SYN3: variants seen among roughly 807,000 people sequenced by gnomAD.
The protein encoded by SYN3 is synapsin-3.
A neutral mutation model predicts 65.8 loss-of-function variants in SYN3; 35 were observed. That is an observed-to-expected ratio of 0.53 (90% CI 0.41 to 0.70). SYN3 has a LOEUF of 0.70. Ranked by LOEUF, SYN3 falls within the 30% of genes least tolerant of loss-of-function variation. SYN3 has a pLI of 0.00. For synonymous variants in SYN3, 270 were observed against 292.9 expected, an observed-to-expected ratio of 0.92 and a Z score of 0.80; for missense variants, 680 against 749.0, an observed-to-expected ratio of 0.91 and a Z score of 1.08.
chr22:32,645,387 G>T (rs559058122), intron 6 of SYN3, among the ~76,000 whole-genome samples: 8 of 151,774 alleles, frequency 5.3e-5, no homozygotes, highest in Admixed American at 5.2e-4. Context: ...GGAGGCAGAG[G>T]TGGCGGTGAG....
intron 6 of SYN3, among the ~76,000 whole-genome samples, chr22:32,700,136 CT>C (rs1351261871): frequency 6.6e-6 from 1 of 152,168 alleles, no homozygotes; most frequent in Non-Finnish European, 1.5e-5. Context: ...GATGCTTCCT[CT>C]TTTTAAAATA....
At chr22:32,921,883 C>T (rs577218081) in intron 4 of SYN3, among the ~76,000 whole-genome samples, 2 of 152,246 alleles carry the variant, frequency 1.3e-5, no homozygotes, top group East Asian at 3.9e-4. Flanking sequence ...CACGGTCACA[C>T]AGCTGCTGTC....
chr22:32,538,095 A>G lies in SYN3; in HGVS notation c.933T>C (p.Ser311=), dbSNP rs1751583919. ...NYKAYMRTSI[S]GNWKANTGSA... is the part of the protein sequence containing the mutation. ...AGCCTGTGTTGGCCTTCCAGTTCCC[A>G]GAGATGGAGGTTCTCCTGTACCAGA... The change falls in exon 9 of 14, where the codon TCT becomes TCC. Residue 311 remains serine (S), a synonymous_variant. Transcript: ENST00000358763. 1 of 1,613,978 alleles carries G rather than the reference A, an allele frequency of 6.2e-7. No homozygotes were observed. Among genetic ancestry groups the G allele is most frequent in the African/African-American group, 1.3e-5 (1 of 74,894 alleles).
intron 6 of SYN3, among the ~76,000 whole-genome samples, chr22:32,709,289 C>A (rs988662518): frequency 2.0e-5 from 3 of 152,190 alleles, no homozygotes; most frequent in Admixed American, 2.0e-4. Flanking sequence ...ACAACTTGAA[C>A]GGCATCAAAC....
At chr22:32,561,472 C>T (rs923005420) in intron 7 of SYN3, among the ~76,000 whole-genome samples, 4 of 152,164 alleles carry the variant, frequency 2.6e-5, no homozygotes, top group Admixed American at 1.3e-4. Context: ...AGGCTCTAGT[C>T]TCCAGAATTT....
chr22:32,748,347 A>G (rs891133351), intron 6 of SYN3, among the ~76,000 whole-genome samples: 1 of 152,180 alleles, frequency 6.6e-6, no homozygotes, highest in African/African-American at 2.4e-5. Context: ...TGCCAGCTGT[A>G]AGTTGTATAA....
At chr22:32,822,795 G>T (rs1376894409) in intron 6 of SYN3, among the ~76,000 whole-genome samples, 3 of 152,134 alleles carry the variant, frequency 2.0e-5, no homozygotes, top group African/African-American at 7.2e-5. Context: ...TAATATAATG[G>T]ATGGTCCAAA....
intron 7 of SYN3, among the ~76,000 whole-genome samples, chr22:32,545,043 A>G (rs1293770693): frequency 6.6e-6 from 1 of 152,184 alleles, no homozygotes; most frequent in Non-Finnish European, 1.5e-5. Flanking sequence ...GGCCAACAAG[A>G]TGTGAGCGGA....
intron 7 of SYN3, among the ~76,000 whole-genome samples, chr22:32,554,130 C>G (rs2058456740): frequency 6.6e-6 from 1 of 152,178 alleles, no homozygotes; most frequent in African/African-American, 2.4e-5. Context: ...ATGTGTGCAG[C>G]CCAGGTTGGA....
At chr22:32,879,440 T>C (rs2049067756) in intron 4 of SYN3, among the ~76,000 whole-genome samples, 2 of 152,208 alleles carry the variant, frequency 1.3e-5, no homozygotes, top group Non-Finnish European at 1.5e-5. Context: ...GACCAAGGCA[T>C]CAGCTGATGT....
At chr22:32,976,995 G>A (rs772359895) in intron 3 of SYN3, among the ~76,000 whole-genome samples, 5 of 64,722 alleles carry the variant, frequency 7.7e-5, no homozygotes, top group African/African-American at 8.5e-5. Context: ...TGAGATTCCT[G>A]GGGGGGGGGT....
Position 33,006,760 on chromosome 22 carries a change from T to C in SYN3, c.-98A>G. The stretch of plus-strand genomic sequence containing the variant: ...CCAGGTACAGGGAGTGGTAGGACTT[T>C]AGCCAGAAGAGCCAGGGGGATTTTG... On this transcript the variant is annotated 5_prime_UTR_variant, in exon 2 of 14. Coordinates refer to ENST00000358763, the MANE Select transcript of SYN3 (RefSeq NM_003490.4). 1.6e-6 allele frequency: 2 copies of C among 1,280,916 alleles called. No individual in the cohort carries two copies. The highest frequency in any genetic ancestry group is 2.1e-6 in the Non-Finnish European group (2 of 931,050). The allele number at this position is 1,280,916 out of a possible 1,614,324, so 79.3% of individuals were successfully genotyped here.
intron 6 of SYN3, among the ~76,000 whole-genome samples, chr22:32,689,447 T>C (rs1832086716): frequency 6.6e-6 from 1 of 152,172 alleles, no homozygotes; most frequent in Non-Finnish European, 1.5e-5. Context: ...AGGAAGCCAT[T>C]TATTCTGCCC....
At chr22:32,528,035 G>T in intron 11 of SYN3, 30 bp from the exon 12 acceptor site, 8 of 1,495,452 alleles carry the variant, frequency 5.3e-6, no homozygotes, top group South Asian at 1.3e-5. Flanking sequence ...AAGCCTGTTG[G>T]TATCACCACA....
At chr22:32,677,802 GA>G (rs1311752478) in intron 6 of SYN3, among the ~76,000 whole-genome samples, 23 of 146,188 alleles carry the variant, frequency 1.6e-4, no homozygotes, top group Middle Eastern at 3.5e-3. Flanking sequence ...CTCCTTCTCG[GA>G]AAAAAAAAAT....
intron 6 of SYN3, among the ~76,000 whole-genome samples, chr22:32,604,945 G>A (rs1340040354): frequency 1.3e-5 from 2 of 149,030 alleles, no homozygotes; most frequent in Non-Finnish European, 3.0e-5. Context: ...GGTGGAGCTT[G>A]CAGTGAGCCG....
chr22:32,828,271 G>T (rs143813982), intron 6 of SYN3, among the ~76,000 whole-genome samples: 16 of 152,306 alleles, frequency 1.1e-4, no homozygotes, highest in African/African-American at 3.8e-4. Flanking sequence ...GCCTTCAAGT[G>T]GGGGAAACTC....
chr22:33,012,751 G>A (rs2053379070), intron 1 of SYN3, among the ~76,000 whole-genome samples: 1 of 152,188 alleles, frequency 6.6e-6, no homozygotes, highest in Non-Finnish European at 1.5e-5. Context: ...CACTCTGTGA[G>A]CTTATACTCT....
chr22:32,967,201 A>G (rs2051874435), intron 3 of SYN3, among the ~76,000 whole-genome samples: 1 of 152,202 alleles, frequency 6.6e-6, no homozygotes, highest in Non-Finnish European at 1.5e-5. Flanking sequence ...TACAGCTGCC[A>G]TCTGCCTCAG....
Sources: allele counts gnomAD v4.1 joint callset (sites outside exome capture counted in the v4.1 genomes callset), GRCh38; gene constraint gnomAD v4.1.1; transcripts MANE v1.5; gene names NCBI Gene and HGNC (gene_info 2026-07-23, HGNC 2026-07-21).